Variants in NEU3 observed in about 807,000 individuals in gnomAD.
NEU3 encodes neuraminidase 3.
NEU3 carries 10 observed loss-of-function variants against 11.4 expected under a neutral mutation model. The observed-to-expected ratio is 0.88, with a 90% CI of 0.54 to 1.49. The LOEUF (loss-of-function observed/expected upper bound fraction) is 1.49. NEU3 is among the 40% of genes most tolerant of loss of function. The probability of loss-of-function intolerance (pLI) is 0.00; values close to 1 mark genes in which losing one functional copy is unlikely to be tolerated. For missense variants in NEU3, 529 were observed against 581.8 expected (o/e 0.91, Z 0.93); for synonymous variants, 212 against 228.2 (o/e 0.93, Z 0.64).
chr11:74,985,248 A>T (rs1366629223), upstream of NEU3, among the ~76,000 whole-genome samples: 3 of 152,214 alleles, frequency 2.0e-5, no homozygotes, highest in Admixed American at 6.5e-5. Flanking sequence ...GAATAATAAG[A>T]TGAATATTTG....
At chr11:75,011,845 T>TC (rs1233202667), downstream of NEU3, among the ~76,000 whole-genome samples, 1 of 151,930 alleles carries the variant, frequency 6.6e-6, no homozygotes, top group Non-Finnish European at 1.5e-5. Context: ...TTTTTTTTTT[T>TC]CCTAAGTTTG....
downstream of NEU3, among the ~76,000 whole-genome samples, chr11:75,012,760 C>T (rs555919495): frequency 7.4e-4 from 112 of 152,064 alleles, no homozygotes; most frequent in Non-Finnish European, 1.4e-3. Flanking sequence ...AGCTCTGGAA[C>T]GAGGGTATAA....
At chr11:75,020,563 G>C (rs1475258324), downstream of NEU3, among the ~76,000 whole-genome samples, 1 of 152,136 alleles carries the variant, frequency 6.6e-6, no homozygotes, top group Non-Finnish European at 1.5e-5. Flanking sequence ...CCCTCTCTTT[G>C]CCTGCTGCTA....
At chr11:74,984,227 G>C (rs756132629), upstream of NEU3, among the ~76,000 whole-genome samples, 1 of 152,180 alleles carries the variant, frequency 6.6e-6, no homozygotes, top group Non-Finnish European at 1.5e-5. Flanking sequence ...GACTATCTTT[G>C]TTCCAGACTA....
upstream of NEU3, among the ~76,000 whole-genome samples, chr11:74,985,620 T>C (rs922219800): frequency 1.3e-5 from 2 of 152,180 alleles, no homozygotes; most frequent in Non-Finnish European, 2.9e-5. Flanking sequence ...ACTCAGCATA[T>C]ATGACTAAGA....
At chr11:75,001,201 C>G (rs980561396) in intron 2 of NEU3, among the ~76,000 whole-genome samples, 23 of 151,942 alleles carry the variant, frequency 1.5e-4, no homozygotes, top group African/African-American at 1.2e-4. Flanking sequence ...GTTGTATTTC[C>G]CCATTAATTA....
Position 74,989,029 on chromosome 11 carries a change from T to G in NEU3, c.-32T>G. On this transcript the variant is annotated 5_prime_UTR_variant, in exon 1 of 3. Transcript: ENST00000294064. ...CTCCTCTGTCTCAGTCTCCCCAGCC[T>G]TGGGGCCGGTGCCTCTTCCGGGCTT... The G allele has an allele frequency of 1.3e-6, 2 of 1,519,418 alleles. No individual in the cohort carries two copies. Among genetic ancestry groups the G allele is most frequent in the South Asian group, 2.4e-5 (2 of 83,396 alleles). The allele number at this position is 1,519,418 out of a possible 1,614,324, so 94.1% of individuals were successfully genotyped here.
intron 3 of NEU3, among the ~76,000 whole-genome samples, chr11:75,018,533 A>G (rs551371): frequency 0.77 from 116,436 of 152,052 alleles, 44,967 homozygotes; most frequent in Non-Finnish European, 0.82. Flanking sequence ...AATGCTTCCT[A>G]CCCTCAAACA....
At chr11:75,016,911 T>G (rs1351379200) in intron 3 of NEU3, among the ~76,000 whole-genome samples, 2 of 152,196 alleles carry the variant, frequency 1.3e-5, no homozygotes, top group Non-Finnish European at 2.9e-5. Context: ...TTCTAAAGCC[T>G]GGTCTGAACA....
intron 2 of NEU3, among the ~76,000 whole-genome samples, chr11:74,999,710 G>A (rs969539552): frequency 6.6e-6 from 1 of 152,188 alleles, no homozygotes; most frequent in Non-Finnish European, 1.5e-5. Context: ...GCACCTGATT[G>A]CTGTGGCAGC....
At chr11:74,986,275 A>G (rs1308622999), upstream of NEU3, among the ~76,000 whole-genome samples, 1 of 152,224 alleles carries the variant, frequency 6.6e-6, no homozygotes, top group Non-Finnish European at 1.5e-5. Context: ...ATTTGCTGCT[A>G]TGAGCATTCT....
the NEU3 span, among the ~76,000 whole-genome samples, chr11:74,983,240 A>G: frequency 3.7e-4 from 57 of 152,338 alleles, no homozygotes; most frequent in African/African-American, 1.2e-3. Flanking sequence ...TGGCTTTAGC[A>G]TCAAAGTGTG....
rs778323479 is a variant in NEU3 at position 75,005,398 on chromosome 11, C to T, written c.307-15C>T. The T allele has an allele frequency of 1.1e-5, 17 of 1,576,922 alleles. No individual in the cohort carries two copies. Among genetic ancestry groups the T allele is most frequent in the Non-Finnish European group, 1.5e-5 (17 of 1,160,922 alleles). On this transcript the variant is annotated splice_polypyrimidine_tract_variant and intron_variant, in intron 2 of 2. Transcript: ENST00000294064. ...TTAGTATCTCACTCCTACTTTCTCCCTTCTCCTTGTCTAGTGGGGGCCCCT... is the reference window on the plus strand; with the variant it reads ...TTAGTATCTCACTCCTACTTTCTCCTTTCTCCTTGTCTAGTGGGGGCCCCT...
intron 3 of NEU3, among the ~76,000 whole-genome samples, chr11:75,017,920 A>G (rs1235919964): frequency 6.6e-6 from 1 of 152,168 alleles, no homozygotes; most frequent in Admixed American, 6.5e-5. Flanking sequence ...GGAGAATGTC[A>G]TTTCTCTCTT....
Position 75,007,684 on chromosome 11 carries a change from T to C in NEU3, c.*1192T>C, listed in dbSNP as rs1351230032. On this transcript the variant is annotated 3_prime_UTR_variant, in exon 3 of 3. Coordinates refer to ENST00000294064, the MANE Select transcript of NEU3 (RefSeq NM_006656.6). Reference sequence around the variant, plus strand: ...GAAATCACTACTTGTGAAGTAGAGATGCCTTTTTGTCTAATGGTTTTCGTG... The same window carrying C: ...GAAATCACTACTTGTGAAGTAGAGACGCCTTTTTGTCTAATGGTTTTCGTG... The C allele has an allele frequency of 2.0e-5, 3 of 152,218 alleles. No homozygotes were observed. The highest frequency in any genetic ancestry group is 4.8e-5 in the African/African-American group (2 of 41,444). The allele number at this position is 152,218 out of a possible 1,614,324, so 9.4% of individuals were successfully genotyped here.
upstream of NEU3, among the ~76,000 whole-genome samples, chr11:74,985,641 G>A (rs927874146): frequency 3.3e-5 from 5 of 152,104 alleles, no homozygotes; most frequent in South Asian, 2.1e-4. Flanking sequence ...TTTATTCTTC[G>A]ATAAAATAAG....
rs1043424536 is a variant in NEU3 at position 75,006,306 on chromosome 11, C to T, written c.1200C>T (p.Pro400=). The T allele has an allele frequency of 1.9e-6, 3 of 1,613,864 alleles. No individual in the cohort carries two copies. In the African/African-American group the frequency reaches 4.0e-5, roughly 22 times the overall value. ...GCCCCTGGATCTTGCACTGTGGGCCCTGTGGCTACTCTGATCTGGCTGCTC... is the reference window on the plus strand; with the variant it reads ...GCCCCTGGATCTTGCACTGTGGGCCTTGTGGCTACTCTGATCTGGCTGCTC... ...WSRPWILHCG[P]CGYSDLAALE... The change falls in exon 3 of 3, where the codon CCC becomes CCT. Residue 400 remains proline (P), a synonymous_variant. Coordinates refer to ENST00000294064, the MANE Select transcript of NEU3 (RefSeq NM_006656.6).
chr11:75,002,882 TTG>T (rs1401992879), intron 2 of NEU3, among the ~76,000 whole-genome samples: 2 of 152,244 alleles, frequency 1.3e-5, no homozygotes, highest in African/African-American at 4.8e-5. Flanking sequence ...ATCCAAATTG[TTG>T]TGTGTAACCC....
At chr11:74,989,242 C>A (rs1346158527) in intron 1 of NEU3, 88 bp downstream of exon 1, 20 of 1,148,514 alleles carry the variant, frequency 1.7e-5, no homozygotes, top group Non-Finnish European at 2.2e-5. Flanking sequence ...TTTGGGAAAT[C>A]CAGCCTTGGA....
Sources: gnomAD v4.1 joint callset for allele counts (sites outside exome capture counted in the v4.1 genomes callset) on GRCh38, gnomAD v4.1.1 for gene constraint, MANE v1.5 for transcripts, NCBI Gene and HGNC (gene_info 2026-07-23, HGNC 2026-07-21) for gene names.